AFG2A: variants seen among roughly 807,000 people sequenced by gnomAD.
The protein encoded by AFG2A is AAA ATPase AFG2A.
the AFG2A span, among the ~76,000 whole-genome samples, chr4:123,007,591 TGTGTG>T: frequency 2.7e-4 from 1 of 3,640 alleles, no homozygotes; most frequent in African/African-American, 8.9e-4. Flanking sequence ...TGTGTGTGTG[TGTGTG>T]TGTGTGTGTG....
chr4:123,261,479 G>A, the AFG2A span, among the ~76,000 whole-genome samples: 1 of 152,126 alleles, frequency 6.6e-6, no homozygotes, highest in Non-Finnish European at 1.5e-5. Flanking sequence ...TTTACATTAT[G>A]TCAGTTGTCA....
chr4:123,169,352 A>G, the AFG2A span, among the ~76,000 whole-genome samples: 1 of 152,194 alleles, frequency 6.6e-6, no homozygotes, highest in Non-Finnish European at 1.5e-5. Context: ...ATTTAATACC[A>G]ACCTACGGCA....
chr4:123,312,933 G>A, the AFG2A span, among the ~76,000 whole-genome samples: 1 of 152,160 alleles, frequency 6.6e-6, no homozygotes, highest in African/African-American at 2.4e-5. Flanking sequence ...GAGAAAATAC[G>A]CTGAATGGAT....
At chr4:123,061,106 T>C in the AFG2A span, among the ~76,000 whole-genome samples, 1 of 152,236 alleles carries the variant, frequency 6.6e-6, no homozygotes, top group Non-Finnish European at 1.5e-5. Context: ...TCAAAGCCAC[T>C]TAACACGTCT....
chr4:123,090,848 C>T, the AFG2A span: 11 of 1,153,100 alleles, frequency 9.5e-6, no homozygotes, highest in Non-Finnish European at 8.4e-6. Flanking sequence ...TCACTGTGGA[C>T]TGGTTACCAT....
the AFG2A span, among the ~76,000 whole-genome samples, chr4:123,258,858 CTTTTTTT>C: frequency 3.3e-5 from 3 of 90,316 alleles, no homozygotes; most frequent in African/African-American, 1.4e-4. Flanking sequence ...GATACTGGTA[CTTTTTTT>C]TTTTTTTTTT....
chr4:123,274,305 T>G, the AFG2A span, among the ~76,000 whole-genome samples: 5 of 152,030 alleles, frequency 3.3e-5, no homozygotes, highest in African/African-American at 1.2e-4. Context: ...TAATAATGTT[T>G]GATGAATGAA....
At chr4:123,220,613 C>CAAAAA in the AFG2A span, among the ~76,000 whole-genome samples, 75 of 41,642 alleles carry the variant, frequency 1.8e-3, no homozygotes, top group African/African-American at 3.8e-3. Flanking sequence ...GACTCCAACT[C>CAAAAA]AAAAAAAAAA....
chr4:123,176,934 G>C, the AFG2A span, among the ~76,000 whole-genome samples: 1 of 152,118 alleles, frequency 6.6e-6, no homozygotes, highest in Admixed American at 6.6e-5. Flanking sequence ...CTGTTGTAAT[G>C]ATAGCATGTT....
the AFG2A span, among the ~76,000 whole-genome samples, chr4:123,007,590 GTGTGTGTGTGTGTGTGTGTATATATATA>G: frequency 2.2e-4 from 1 of 4,570 alleles, no homozygotes; most frequent in African/African-American, 4.5e-4. Context: ...GTGTGTGTGT[GTGTGTGTGTGTGTGTGTGTATATATATA>G]TATATATATA....
the AFG2A span, among the ~76,000 whole-genome samples, chr4:123,146,799 C>T: frequency 9.0e-5 from 2 of 22,186 alleles, no homozygotes; most frequent in African/African-American, 1.2e-4. Flanking sequence ...CATTTTTTTC[C>T]CTCATGATTA....
chr4:123,197,314 C>T, the AFG2A span, among the ~76,000 whole-genome samples: 4 of 152,144 alleles, frequency 2.6e-5, no homozygotes, highest in Admixed American at 2.0e-4. Context: ...ATAACAATTT[C>T]CGTTACTTCT....
the AFG2A span, among the ~76,000 whole-genome samples, chr4:122,996,482 C>A: frequency 1.3e-5 from 2 of 151,776 alleles, no homozygotes; most frequent in South Asian, 4.2e-4. Context: ...GAGAAACAAC[C>A]AATGGGATGG....
chr4:122,960,384 T>C, the AFG2A span, among the ~76,000 whole-genome samples: 1 of 152,314 alleles, frequency 6.6e-6, no homozygotes, highest in East Asian at 1.9e-4. Context: ...TAGAAGATGC[T>C]TACAACAATG....
At chr4:123,060,622 CA>C in the AFG2A span, among the ~76,000 whole-genome samples, 3 of 152,136 alleles carry the variant, frequency 2.0e-5, no homozygotes, top group Admixed American at 6.5e-5. Flanking sequence ...TCAGCAGTGG[CA>C]GGGGGGGCCC....
At chr4:123,054,654 C>A in the AFG2A span, among the ~76,000 whole-genome samples, 8 of 151,728 alleles carry the variant, frequency 5.3e-5, no homozygotes, top group Admixed American at 6.6e-5. Flanking sequence ...GGAGGCGGAG[C>A]TTGCAGTGAG....
chr4:123,179,490 C>T, the AFG2A span, among the ~76,000 whole-genome samples: 3 of 152,088 alleles, frequency 2.0e-5, no homozygotes, highest in South Asian at 2.1e-4. Context: ...TGGCAATACA[C>T]GTGTGCACAG....
the AFG2A span, among the ~76,000 whole-genome samples, chr4:123,103,069 T>G: frequency 1.3e-5 from 2 of 152,014 alleles, no homozygotes; most frequent in Non-Finnish European, 2.9e-5. Context: ...TTACTCTTTT[T>G]TGACACAAGA....
the AFG2A span, among the ~76,000 whole-genome samples, chr4:123,059,972 A>G: frequency 3.9e-5 from 6 of 152,142 alleles, no homozygotes; most frequent in East Asian, 1.2e-3. Context: ...GTGTCTGTTC[A>G]TGTCCTTTGC....
Sources: gnomAD v4.1 joint callset for allele counts (sites outside exome capture counted in the v4.1 genomes callset) on GRCh38, gnomAD v4.1.1 for gene constraint, MANE v1.5 for transcripts, NCBI Gene and HGNC (gene_info 2026-07-23, HGNC 2026-07-21) for gene names.